Variants in PKIB observed in about 807,000 individuals in gnomAD.
PKIB encodes the protein PKI-beta.
In PKIB, 2 loss-of-function variants were observed where a neutral mutation model predicts 4.5. That is an observed-to-expected ratio of 0.44 (90% CI 0.18 to 1.39). PKIB has a LOEUF of 1.39. Ranked by LOEUF, PKIB falls within the 40% of genes most tolerant of loss-of-function variation. PKIB has a pLI of 0.27. For missense variants in PKIB, 94 were observed against 92.6 expected, an observed-to-expected ratio of 1.02 and a Z score of -0.06; for synonymous variants, 38 against 36.0, an observed-to-expected ratio of 1.06 and a Z score of -0.20.
intron 3 of PKIB, among the ~76,000 whole-genome samples, chr6:122,593,414 A>G (rs1401679969): frequency 1.3e-5 from 2 of 152,206 alleles, no homozygotes; most frequent in Non-Finnish European, 2.9e-5. Flanking sequence ...ATAAGGAACC[A>G]TTAAGTCATT....
chr6:122,496,037 A>G (rs1402154132), intron 2 of PKIB, among the ~76,000 whole-genome samples: 2 of 151,882 alleles, frequency 1.3e-5, no homozygotes, highest in Admixed American at 1.3e-4. Context: ...GTGTCCCCCA[A>G]CCCCCATGAA....
intron 3 of PKIB, among the ~76,000 whole-genome samples, chr6:122,590,331 T>A (rs1162775872): frequency 6.6e-6 from 1 of 152,234 alleles, no homozygotes; most frequent in Non-Finnish European, 1.5e-5. Flanking sequence ...GGCTCAGATG[T>A]ATCTAAATTT....
chr6:122,527,166 C>G (rs963836822), intron 2 of PKIB, among the ~76,000 whole-genome samples: 2 of 152,124 alleles, frequency 1.3e-5, no homozygotes, highest in Non-Finnish European at 2.9e-5. Context: ...GGATCTTGCT[C>G]TTGATTAGCT....
At chr6:122,676,326 A>T (rs1777671041) in intron 3 of PKIB, among the ~76,000 whole-genome samples, 1 of 152,054 alleles carries the variant, frequency 6.6e-6, no homozygotes, top group South Asian at 2.1e-4. Context: ...AGTGATGTGG[A>T]GTGGCTGTAA....
intron 2 of PKIB, among the ~76,000 whole-genome samples, chr6:122,488,793 G>T (rs1302646175): frequency 1.3e-5 from 2 of 152,122 alleles, no homozygotes; most frequent in Non-Finnish European, 2.9e-5. Context: ...TTTCCCACCA[G>T]GCAGAGGTAG....
intron 2 of PKIB, among the ~76,000 whole-genome samples, chr6:122,519,942 A>G (rs1309055234): frequency 6.6e-6 from 1 of 152,156 alleles, no homozygotes; most frequent in African/African-American, 2.4e-5. Context: ...CTTTTCACTG[A>G]ACTGTTGGCA....
chr6:122,613,893 G>A lies in PKIB; in HGVS notation c.-161+3358G>A, dbSNP rs556331635. Among the ~76,000 whole-genome samples the A allele has an allele frequency of 7.5e-5, 11 of 146,866 alleles. 1 individual carries two copies. In the East Asian group the frequency reaches 1.4e-3, roughly 19 times the overall value. ...TAGGAGTATCGCTTGAACCCAGGAGGCAGAGGTTGCAGTGAGCTGAGATGG... is the reference window on the plus strand; with the variant it reads ...TAGGAGTATCGCTTGAACCCAGGAGACAGAGGTTGCAGTGAGCTGAGATGG... On this transcript the variant is annotated intron_variant, in intron 1 of 4. Coordinates refer to ENST00000368452, the MANE Select transcript of PKIB (RefSeq NM_181795.3).
chr6:122,699,918 T>A (rs983943935), intron 3 of PKIB, among the ~76,000 whole-genome samples: 1 of 152,156 alleles, frequency 6.6e-6, no homozygotes, highest in African/African-American at 2.4e-5. Flanking sequence ...AGAACTCCCC[T>A]AATGTTATGG....
At chr6:122,519,213 A>G (rs1035177573) in intron 2 of PKIB, among the ~76,000 whole-genome samples, 3 of 152,124 alleles carry the variant, frequency 2.0e-5, no homozygotes, top group Admixed American at 6.5e-5. Flanking sequence ...TGAACTGTGC[A>G]TGTGAGGGAT....
At chr6:122,473,576 A>T (rs1775369148) in intron 1 of PKIB, among the ~76,000 whole-genome samples, 1 of 152,230 alleles carries the variant, frequency 6.6e-6, no homozygotes, top group Non-Finnish European at 1.5e-5. Context: ...TACAACATTA[A>T]TTGGACACGA....
intron 2 of PKIB, among the ~76,000 whole-genome samples, chr6:122,491,549 G>T (rs887342308): frequency 6.6e-6 from 1 of 152,106 alleles, no homozygotes; most frequent in Non-Finnish European, 1.5e-5. Flanking sequence ...AGTCATTAAC[G>T]TAGGCCTCTA....
chr6:122,505,771 T>C (rs147531157), intron 2 of PKIB, among the ~76,000 whole-genome samples: 61 of 152,332 alleles, frequency 4.0e-4, no homozygotes, highest in African/African-American at 1.5e-3. Flanking sequence ...TAGGGAGTTA[T>C]GTAGAAATCA....
In PKIB at chr6:122,637,488, G is replaced by C. The variant is rs1029801504; in HGVS notation, c.-76+4121G>C. Reference sequence around the variant, plus strand: ...AATAAAGATGAAGGCCAGGTGCGGTGGCTCATGCCTGTAATCCCAACACTT... The same window carrying C: ...AATAAAGATGAAGGCCAGGTGCGGTCGCTCATGCCTGTAATCCCAACACTT... On this transcript the variant is annotated intron_variant, in intron 2 of 4. Transcript: ENST00000368452. Among the ~76,000 whole-genome samples the C allele has an allele frequency of 1.1e-4, 16 of 152,152 alleles. 1 individual carries two copies. Among genetic ancestry groups the C allele is most frequent in the Admixed American group, 9.2e-4 (14 of 15,270 alleles).
chr6:122,545,032 C>T (rs1287134669), intron 2 of PKIB, among the ~76,000 whole-genome samples: 1 of 152,084 alleles, frequency 6.6e-6, no homozygotes, highest in Non-Finnish European at 1.5e-5. Context: ...TACTTATATA[C>T]TGCTCGTGGG....
At chr6:122,671,046 C>A (rs558352715) in intron 2 of PKIB, among the ~76,000 whole-genome samples, 3 of 152,274 alleles carry the variant, frequency 2.0e-5, no homozygotes, top group African/African-American at 7.2e-5. Context: ...GTAATCCCAG[C>A]ACTTTGGGAG....
chr6:122,518,462 C>CA (rs1219698014), intron 2 of PKIB, among the ~76,000 whole-genome samples: 2 of 152,048 alleles, frequency 1.3e-5, no homozygotes, highest in Non-Finnish European at 2.9e-5. Context: ...GGGAAGATTT[C>CA]ATGAAACAAA....
intron 3 of PKIB, among the ~76,000 whole-genome samples, chr6:122,705,068 A>G (rs1055341852): frequency 8.5e-5 from 13 of 152,162 alleles, no homozygotes; most frequent in Non-Finnish European, 1.6e-4. Context: ...AATAAAATAT[A>G]CCAGAAAAAC....
intron 2 of PKIB, among the ~76,000 whole-genome samples, chr6:122,484,491 A>G (rs951562329): frequency 6.6e-6 from 1 of 152,214 alleles, no homozygotes; most frequent in Non-Finnish European, 1.5e-5. Flanking sequence ...TCTGTGAAGA[A>G]CTGTTATAGT....
intron 2 of PKIB, among the ~76,000 whole-genome samples, chr6:122,552,701 A>T (rs1295675414): frequency 6.6e-6 from 1 of 152,122 alleles, no homozygotes; most frequent in Non-Finnish European, 1.5e-5. Flanking sequence ...TCTAAAACAG[A>T]GTGCCTCCAG....
Sources: allele counts gnomAD v4.1 joint callset (sites outside exome capture counted in the v4.1 genomes callset), GRCh38; gene constraint gnomAD v4.1.1; transcripts MANE v1.5; gene names NCBI Gene and HGNC (gene_info 2026-07-23, HGNC 2026-07-21).